Variants in PCDHA4 observed in about 807,000 individuals in gnomAD.
PCDHA4 encodes protocadherin alpha-4.
A neutral mutation model predicts 61.4 loss-of-function variants in PCDHA4; 49 were observed. The ratio of observed to expected loss-of-function variants is 0.80; its 90% CI spans 0.63 to 1.01. The LOEUF is 1.01. PCDHA4 is among the 50% of genes least tolerant of loss of function. The pLI, the probability that PCDHA4 is intolerant of heterozygous loss-of-function variation, is 0.00. For missense variants in PCDHA4, 1,254 were observed against 1,235.8 expected (o/e 1.01, Z -0.22); for synonymous variants, 590 against 550.3 (o/e 1.07, Z -1.01).
intron 1 of PCDHA4, chr5:140,851,942 G>T: frequency 1.0e-6 from 1 of 967,952 alleles, no homozygotes; most frequent in Non-Finnish European, 1.2e-6. Flanking sequence ...TGTAGTATGT[G>T]ACTTTCAAAA....
rs2150128488 is a variant in PCDHA4 at position 140,823,719 on chromosome 5, G to A, written c.2385+14147G>A. The A allele has an allele frequency of 3.1e-6, 5 of 1,613,928 alleles. No individual in the cohort carries two copies. In the African/African-American group the frequency reaches 5.3e-5, roughly 17 times the overall value. ...AAGCACCGCGCCACCGCCTTCTGGT[G>A]CTGGTGAAGGACCATGGAGAGCCCC... On this transcript the variant is annotated intron_variant, in intron 1 of 3. Transcript: ENST00000530339.
chr5:140,832,831 C>T (rs2150204521), intron 1 of PCDHA4, among the ~76,000 whole-genome samples: 27 of 152,028 alleles, frequency 1.8e-4, no homozygotes, highest in Non-Finnish European at 3.5e-4. Context: ...TGCCTTTTTC[C>T]CTTGTTGAAG....
chr5:140,826,828 A>T lies in PCDHA4; in HGVS notation c.2385+17256A>T, dbSNP rs190779295. Among the ~76,000 whole-genome samples the T allele has an allele frequency of 4.9e-4, 75 of 152,292 alleles. No individual in the cohort carries two copies. In the South Asian group the frequency reaches 0.012, roughly 25 times the overall value. The stretch of plus-strand genomic sequence containing the variant: ...ACATGTGATTACATATTAGGTTACT[A>T]GAAGTTTCTCAAGTGTCTTGCAATT... On this transcript the variant is annotated intron_variant, in intron 1 of 3. Coordinates refer to ENST00000530339, the MANE Select transcript of PCDHA4 (RefSeq NM_018907.4).
intron 1 of PCDHA4, chr5:140,843,145 GT>G: frequency 6.3e-7 from 1 of 1,596,072 alleles, no homozygotes; most frequent in Non-Finnish European, 8.6e-7. Context: ...CGTGGCTTTC[GT>G]ATGAGCTGCA....
At chr5:140,932,734 C>G (rs1295804671) in intron 1 of PCDHA4, among the ~76,000 whole-genome samples, 2 of 151,588 alleles carry the variant, frequency 1.3e-5, no homozygotes, top group Non-Finnish European at 1.5e-5. Context: ...AATATAGACC[C>G]TCAAATCAGT....
At chr5:140,976,666 A>G (rs1260651584) in intron 1 of PCDHA4, among the ~76,000 whole-genome samples, 4 of 152,188 alleles carry the variant, frequency 2.6e-5, no homozygotes, top group African/African-American at 9.6e-5. Flanking sequence ...CAAAGTTCAG[A>G]TGTCTCATTT....
At chr5:140,922,068 A>C (rs1554200634) in intron 1 of PCDHA4, among the ~76,000 whole-genome samples, 1 of 152,196 alleles carries the variant, frequency 6.6e-6, no homozygotes, top group African/African-American at 2.4e-5. Context: ...TAGCAATCCC[A>C]CTAAGCAAAA....
Position 140,809,061 on chromosome 5 carries a change from G to A in PCDHA4, c.1874G>A (p.Gly625Glu), listed in dbSNP as rs1554124972. ...GGCGCGCGCATCCCGTTCCGCGTGG[G>A]GCTGTACACTGGCGAGATCAGCACA... is the stretch of plus-strand genomic sequence containing the variant. ...TGGARIPFRV[G>E]LYTGEISTTR... The change falls in exon 1 of 4, where the codon GGG (glycine) becomes GAG (glutamate). Residue 625 changes from glycine to glutamate, a missense_variant. By Grantham distance (98) the Gly-to-Glu change is moderately conservative (BLOSUM62 -2). Coordinates refer to ENST00000530339, the MANE Select transcript of PCDHA4 (RefSeq NM_018907.4). 4 of 1,613,810 alleles carry A rather than the reference G, an allele frequency of 2.5e-6. No homozygotes were observed. The highest frequency in any genetic ancestry group is 1.7e-6 in the Non-Finnish European group (2 of 1,179,912).
rs782745865 is a variant in PCDHA4, at chr5:140,809,475, G to A, written c.2288G>A (p.Gly763Asp). ...QRRPRVCSGE[G>D]PPKTDLMAFS... The stretch of plus-strand genomic sequence containing the variant: ...AGGCCGAGGGTGTGCTCTGGTGAGG[G>A]CCCACCCAAGACCGACCTCATGGCC... The change falls in exon 1 of 4, where the codon GGC becomes GAC. Residue 763 changes from glycine (G) to aspartate (D), a missense_variant. Physicochemically the swap from Gly to Asp is moderately conservative, Grantham distance 94 (BLOSUM62 -1). Transcript: ENST00000530339. 6.8e-6 allele frequency: 11 copies of A among 1,614,216 alleles called. No homozygotes were observed. In the East Asian group the frequency reaches 2.0e-4, roughly 29 times the overall value.
chr5:140,921,124 G>A (rs1017756296), intron 1 of PCDHA4, among the ~76,000 whole-genome samples: 1 of 146,978 alleles, frequency 6.8e-6, no homozygotes, highest in Non-Finnish European at 1.5e-5. Flanking sequence ...AGGACTACAG[G>A]TGCACACCAC....
intron 1 of PCDHA4, chr5:140,822,885 G>A (rs1554128940): frequency 1.2e-6 from 2 of 1,614,088 alleles, no homozygotes; most frequent in African/African-American, 1.3e-5. Flanking sequence ...TCATTGCTCT[G>A]ATCAGCGTGT....
chr5:140,832,466 T>TA (rs1319318585), intron 1 of PCDHA4, among the ~76,000 whole-genome samples: 6 of 152,186 alleles, frequency 3.9e-5, no homozygotes, highest in South Asian at 2.1e-4. Context: ...CACTAAAATT[T>TA]AAAAAAACTA....
intron 1 of PCDHA4, chr5:140,863,244 G>A (rs1292060203): frequency 7.3e-7 from 1 of 1,361,116 alleles, no homozygotes; most frequent in Non-Finnish European, 1.0e-6. Context: ...GGGCTTTGGC[G>A]GGCGTCGAGG....
In PCDHA4 at chr5:140,927,786, A is replaced by G. The variant is rs782728309; in HGVS notation, c.2386-51163A>G. 11 of 1,614,074 alleles carry G rather than the reference A, an allele frequency of 6.8e-6. No homozygotes were observed. The East Asian group carries it at 2.0e-4, about 29-fold the overall frequency. On this transcript the variant is annotated intron_variant, in intron 1 of 3. Transcript: ENST00000530339. ...GTGGGGAGGTGCAAGTAGCTGCTTC[A>G]CTAGGTCCGCCTGAAACGCTCTTGG...
chr5:140,870,689 T>G (rs1349209235), intron 1 of PCDHA4: 1 of 1,612,838 alleles, frequency 6.2e-7, no homozygotes. Context: ...GAGCTGGAGC[T>G]GCTACAGTTC....
intron 1 of PCDHA4, chr5:140,822,398 G>C: frequency 6.2e-7 from 1 of 1,614,062 alleles, no homozygotes; most frequent in Non-Finnish European, 8.5e-7. Context: ...CAAGAACACC[G>C]TTTATTAGTG....
At chr5:140,929,293 A>G in intron 1 of PCDHA4, 1 of 1,594,458 alleles carries the variant, frequency 6.3e-7, no homozygotes, top group Non-Finnish European at 8.6e-7. Flanking sequence ...GATTCGGAAT[A>G]GGAAAGGGGA....
chr5:140,829,836 C>G (rs2150175782), intron 1 of PCDHA4: 3 of 1,613,890 alleles, frequency 1.9e-6, no homozygotes, highest in South Asian at 2.2e-5. Flanking sequence ...GAGCTGGTGC[C>G]GCGGTCACTG....
chr5:140,926,209 T>A (rs553307318), intron 1 of PCDHA4, among the ~76,000 whole-genome samples: 1 of 152,028 alleles, frequency 6.6e-6, no homozygotes, highest in African/African-American at 2.4e-5. Context: ...GGGGGGCTCC[T>A]GTTTCCTTAA....
Sources: allele counts gnomAD v4.1 joint callset (sites outside exome capture counted in the v4.1 genomes callset), GRCh38; gene constraint gnomAD v4.1.1; transcripts MANE v1.5; gene names NCBI Gene and HGNC (gene_info 2026-07-23, HGNC 2026-07-21).